The following SVEP1 variants were observed in gnomAD, a reference collection of about 807,000 sequenced individuals.
SVEP1 encodes the protein sushi, von Willebrand factor type A, EGF and pentraxin domain-containing protein 1.
In SVEP1, 164 loss-of-function variants were observed where a neutral mutation model predicts 367.3. The observed-to-expected ratio is 0.45, with a 90% CI of 0.39 to 0.51. SVEP1 has a LOEUF of 0.51. Among genes scored for constraint, SVEP1 ranks in the 20% least tolerant of loss-of-function variants. The pLI is 0.00. For missense variants in SVEP1, 4,117 were observed against 4,425.3 expected, an observed-to-expected ratio of 0.93 and a Z score of 1.98; for synonymous variants, 1,666 against 1,611.6, an observed-to-expected ratio of 1.03 and a Z score of -0.81.
At position 110,385,932 on chromosome 9, in the gene SVEP1, G is replaced by A. The variant is rs765676113; in HGVS notation, c.10203C>T (p.Asp3401=). ...QGHGIITCNP[D]ETWTQTSAKC... ...TGGCGCTTGTCTGTGTCCACGTCTC[G>A]TCGGGGTTGCAGGTAATGATGCCGT... The change falls in exon 43 of 48, where the codon GAC becomes GAT. Residue 3401 remains aspartate (D), a synonymous_variant. Transcript: ENST00000374469. 7 of 1,613,786 alleles carry A rather than the reference G, an allele frequency of 4.3e-6. No individual in the cohort carries two copies. Among genetic ancestry groups the A allele is most frequent in the East Asian group, 2.2e-5 (1 of 44,842 alleles).
chr9:110,491,097 T>C (rs1203034127), intron 8 of SVEP1, among the ~76,000 whole-genome samples: 1 of 151,962 alleles, frequency 6.6e-6, no homozygotes, highest in East Asian at 1.9e-4. Context: ...TAAAAATCAC[T>C]CACTGATTCC....
intron 43 of SVEP1, among the ~76,000 whole-genome samples, chr9:110,384,417 CTG>C (rs2118959274): frequency 6.6e-6 from 1 of 152,078 alleles, no homozygotes; most frequent in African/African-American, 2.4e-5. Context: ...GATTCACTCA[CTG>C]TTTTTGTTCT....
At position 110,520,063 on chromosome 9, in the gene SVEP1, A is replaced by T. The variant is rs549241516; in HGVS notation, c.965-5957T>A. Among the ~76,000 whole-genome samples the T allele has an allele frequency of 3.9e-4, 60 of 152,300 alleles. 1 individual carries two copies. The highest frequency in any genetic ancestry group is 1.9e-3 in the South Asian group (9 of 4,826). ...AAATAATGCTGCATGAAAAGGACCT[A>T]ATCTTATAGTATTACTCTCCAAAAT... is the stretch of plus-strand genomic sequence containing the variant. On this transcript the variant is annotated intron_variant, in intron 3 of 47. Coordinates refer to ENST00000374469, the MANE Select transcript of SVEP1 (RefSeq NM_153366.4).
At chr9:110,390,311 ATGTG>A (rs368800573) in intron 40 of SVEP1, among the ~76,000 whole-genome samples, 471 of 25,286 alleles carry the variant, frequency 0.019, 41 homozygotes, top group Non-Finnish European at 0.026. Context: ...TTATATAAGT[ATGTG>A]TATATATACT....
At chr9:110,563,476 A>C (rs576056783) in intron 1 of SVEP1, among the ~76,000 whole-genome samples, 5 of 152,330 alleles carry the variant, frequency 3.3e-5, no homozygotes, top group African/African-American at 1.2e-4. Context: ...AAGACTTTTA[A>C]TGGTTACCCT....
chr9:110,506,262 C>T (rs1829625502), intron 5 of SVEP1, among the ~76,000 whole-genome samples: 1 of 152,022 alleles, frequency 6.6e-6, no homozygotes, highest in Non-Finnish European at 1.5e-5. Context: ...TATCGTGAAC[C>T]CTAGAAGAAA....
rs755395106 is a variant in SVEP1, at chr9:110,499,043, T to C, written c.1679A>G (p.Lys560Arg). Residue 560 changes from lysine to arginine, a missense_variant and splice_region_variant, in exon 7 of 48, where the codon AAA becomes AGA. Transcript: ENST00000374469. ...WNVGVQAAVCKDVEAPQINCP... is the reference protein window; with the variant it reads ...WNVGVQAAVCRDVEAPQINCP... ...GCCTGACTAGTGTAGAGACCTACCT[T>C]TACACACAGCTGCCTGAACTCCGAC... is the stretch of plus-strand genomic sequence containing the variant. 22 of 1,613,042 alleles carry C rather than the reference T, an allele frequency of 1.4e-5. No individual in the cohort carries two copies. Among genetic ancestry groups the C allele is most frequent in the Non-Finnish European group, 1.8e-5 (21 of 1,179,406 alleles).
intron 5 of SVEP1, chr9:110,512,660 AGGTTTGG>A (rs1186623388): frequency 4.2e-6 from 2 of 478,428 alleles, no homozygotes; most frequent in Non-Finnish European, 7.6e-6. Flanking sequence ...TTGAAATTTG[AGGTTTGG>A]GGTAACCTGT....
rs751439096 is a variant in SVEP1 at position 110,482,444 on chromosome 9, G to A, written c.2087C>T (p.Pro696Leu). Residue 696 changes from proline to leucine, a missense_variant, in exon 11 of 48, where the codon CCT becomes CTT. Around this residue, in one of 4 missense-constraint regions of SVEP1, gnomAD observed 2,174 missense variants for 2,494.3 expected, o/e 0.87. Transcript: ENST00000374469. The stretch of plus-strand genomic sequence containing the variant: ...ATACTGTACTATAGTCTCCCCTTGA[G>A]GGAAAAGGTCTCCTTGTGTATGACT... The part of the protein sequence containing the change: ...TRSHTQGDLF[P>L]QGETIVQYTA... 1.2e-5 allele frequency: 19 copies of A among 1,600,494 alleles called. No homozygotes were observed. The South Asian group carries it at 2.0e-4, about 17-fold the overall frequency.
At chr9:110,577,840 T>A (rs1273180479) in intron 1 of SVEP1, among the ~76,000 whole-genome samples, 9 of 152,174 alleles carry the variant, frequency 5.9e-5, no homozygotes, top group African/African-American at 2.2e-4. Flanking sequence ...AATACAAATG[T>A]CCAGTAGATG....
chr9:110,541,795 C>A (rs568415245), intron 3 of SVEP1, among the ~76,000 whole-genome samples: 7 of 142,014 alleles, frequency 4.9e-5, no homozygotes, highest in South Asian at 4.4e-4. Context: ...ACATAGATAT[C>A]TATATATATC....
Position 110,450,125 on chromosome 9 carries a change from A to T in SVEP1, c.4037T>A (p.Val1346Asp), listed in dbSNP as rs1284512586. 6.2e-7 allele frequency: 1 copy of T among 1,613,952 alleles called. No homozygotes were observed. Among genetic ancestry groups the T allele is most frequent in the Non-Finnish European group, 8.5e-7 (1 of 1,179,840 alleles). Residue 1346 changes from valine (V) to aspartate (D), a missense_variant, in exon 24 of 48, where the codon GTC becomes GAC. Around this residue, in one of 4 missense-constraint regions of SVEP1, gnomAD observed 2,174 missense variants for 2,494.3 expected, o/e 0.87. Transcript: ENST00000374469. ...GCATGGCTGACTGAGACACTCATCG[A>T]CGTTCTTTCCACATCGGGTACCCAA... Reference protein sequence around the residue: ...GFLGTRCGKNVDECLSQPCKN... With the variant: ...GFLGTRCGKNDDECLSQPCKN...
At chr9:110,557,631 T>G (rs1292181049) in intron 1 of SVEP1, among the ~76,000 whole-genome samples, 1 of 152,154 alleles carries the variant, frequency 6.6e-6, no homozygotes, top group Non-Finnish European at 1.5e-5. Flanking sequence ...TTTATTCTGC[T>G]TTTTCACCAT....
chr9:110,466,760 C>CAAAAAAAAA (rs71371670), intron 17 of SVEP1, among the ~76,000 whole-genome samples: 11,145 of 45,910 alleles, frequency 0.24, 4,062 homozygotes, highest in East Asian at 0.59. Context: ...GACTCCATCT[C>CAAAAAAAAA]AAAAAAAAAA....
chr9:110,468,805 C>G (rs1828975726), intron 17 of SVEP1, 135 bp downstream of exon 17: 2 of 825,542 alleles, frequency 2.4e-6, no homozygotes, highest in Non-Finnish European at 1.8e-6. Context: ...ATGCTTTTCT[C>G]TTGCAAATCT....
intron 45 of SVEP1, 22 bp downstream of exon 45, chr9:110,377,245 AAAGT>A (rs1349730987): frequency 6.2e-7 from 1 of 1,606,810 alleles, no homozygotes; most frequent in South Asian, 1.1e-5. Context: ...GTCAGGACTC[AAAGT>A]AAGATCTGAA....
chr9:110,380,506 A>G (rs1239169420), intron 43 of SVEP1, among the ~76,000 whole-genome samples: 8 of 152,154 alleles, frequency 5.3e-5, no homozygotes, highest in African/African-American at 1.7e-4. Flanking sequence ...ATTGATTTGC[A>G]TATGTTAAAC....
intron 12 of SVEP1, among the ~76,000 whole-genome samples, chr9:110,480,723 C>T (rs181853440): frequency 9.5e-4 from 144 of 152,038 alleles, no homozygotes; most frequent in African/African-American, 3.3e-3. Context: ...TCTGAAACTC[C>T]AGGGCTCAAG....
chr9:110,550,660 C>T (rs1224009601), intron 1 of SVEP1, among the ~76,000 whole-genome samples: 1 of 152,030 alleles, frequency 6.6e-6, no homozygotes, highest in Non-Finnish European at 1.5e-5. Context: ...TCCACTTGCT[C>T]CTCCAAAAAA....
Sources: allele counts gnomAD v4.1 joint callset (sites outside exome capture counted in the v4.1 genomes callset), GRCh38; gene constraint gnomAD v4.1.1; regional missense constraint gnomAD v4.1.1; transcripts MANE v1.5; gene names NCBI Gene and HGNC (gene_info 2026-07-23, HGNC 2026-07-21).